The following WBP2 variants were observed in gnomAD, a reference collection of about 807,000 sequenced individuals.
WBP2 encodes the protein WW domain binding protein 2, also known as WW domain-binding protein 2.
Under a neutral mutation model 33.0 loss-of-function variants are expected in WBP2, and 23 were observed. The ratio of observed to expected loss-of-function variants is 0.70; its 90% CI spans 0.50 to 0.99. WBP2 has a LOEUF of 0.99. WBP2 is among the 50% of genes least tolerant of loss of function. WBP2 has a pLI of 0.00. For missense variants in WBP2, 353 were observed against 358.0 expected, an observed-to-expected ratio of 0.99 and a Z score of 0.11; for synonymous variants, 153 against 133.5, an observed-to-expected ratio of 1.15 and a Z score of -1.01.
intron 1 of WBP2, chr17:75,852,947 G>GT (rs1402879016): frequency 4.9e-6 from 1 of 204,304 alleles, no homozygotes; most frequent in African/African-American, 2.4e-5. Context: ...AGATGATCAC[G>GT]TATGTCATAT....
Position 75,847,945 on chromosome 17 carries a change from G to A in WBP2, c.398-15C>T, listed in dbSNP as rs1239402540. ...ACCTCTGGAGGCTACGAGTACAAGG[G>A]GAAAGAGAAATGAGCGTGGCCTGCC... On this transcript the variant is annotated splice_polypyrimidine_tract_variant and intron_variant, in intron 4 of 7. Transcript: ENST00000254806. 16 of 1,562,202 alleles carry A rather than the reference G, an allele frequency of 1.0e-5. No homozygotes were observed. The highest frequency in any genetic ancestry group is 1.4e-5 in the Non-Finnish European group (16 of 1,153,332).
chr17:75,851,899 T>C (rs2065030289), intron 1 of WBP2: 2 of 348,914 alleles, frequency 5.7e-6, no homozygotes, highest in African/African-American at 2.1e-5. Flanking sequence ...GTCAGGAGTT[T>C]GAGACCAGCC....
chr17:75,847,461 G>T (rs1201746287), intron 6 of WBP2, 26 bp downstream of exon 6: 1 of 1,583,252 alleles, frequency 6.3e-7, no homozygotes, highest in Non-Finnish European at 8.6e-7. Context: ...GGTCCCGAAG[G>T]GCTGCCAGCA....
At chr17:75,851,367 G>A (rs112651153) in intron 2 of WBP2, 18 of 498,070 alleles carry the variant, frequency 3.6e-5, no homozygotes, top group African/African-American at 2.5e-4. Flanking sequence ...ACTGCCCAGT[G>A]GTCAGGTCAG....
upstream of WBP2, among the ~76,000 whole-genome samples, chr17:75,855,951 G>C (rs1029685179): frequency 6.6e-6 from 1 of 152,236 alleles, no homozygotes; most frequent in Non-Finnish European, 1.5e-5. Flanking sequence ...GAGCCCGGGG[G>C]GCGGGGAGAG....
At chr17:75,854,516 C>T (rs949232985) in intron 1 of WBP2, among the ~76,000 whole-genome samples, 1 of 152,110 alleles carries the variant, frequency 6.6e-6, no homozygotes, top group African/African-American at 2.4e-5. Context: ...TCCGAGGTGA[C>T]CCAAACCAAC....
At chr17:75,848,394 G>C (rs936284672) in intron 4 of WBP2, 176 bp downstream of exon 4, 5 of 651,578 alleles carry the variant, frequency 7.7e-6, no homozygotes, top group South Asian at 3.6e-5. Context: ...CTGAGGTACA[G>C]GACAGAGCTG....
At position 75,847,910 on chromosome 17, in the gene WBP2, T is replaced by C; in HGVS notation, c.418A>G (p.Ser140Gly). ...ATGTAAGAGTAGCCATAGGCTCCAC[T>C]GGGGACTTCACCTCTGGAGGCTACG... ...ASQASRGEVP[S>G]GAYGYSYMPS... is the part of the protein sequence containing the mutation. The change falls in exon 5 of 8, where the codon AGT becomes GGT. Residue 140 changes from serine (S) to glycine (G), a missense_variant. Physicochemically the swap from Ser to Gly is moderately conservative, Grantham distance 56 (BLOSUM62 0). Coordinates refer to ENST00000254806, the MANE Select transcript of WBP2 (RefSeq NM_012478.4). 6.4e-7 allele frequency: 1 copy of C among 1,563,202 alleles called. No individual in the cohort carries two copies. The highest frequency in any genetic ancestry group is 1.2e-5 in the South Asian group (1 of 85,062).
intron 1 of WBP2, 200 bp from the exon 2 acceptor site, chr17:75,851,876 C>G: frequency 2.5e-6 from 1 of 394,402 alleles, no homozygotes; most frequent in Non-Finnish European, 5.0e-6. Context: ...CCGAGGCGAG[C>G]GGATGACCCC....
chr17:75,855,192 C>G (rs777281586), intron 1 of WBP2, 47 bp downstream of exon 1: 1 of 1,454,654 alleles, frequency 6.9e-7, no homozygotes, highest in Admixed American at 1.8e-5. Flanking sequence ...CCCACTTCCT[C>G]GACACCCGAA....
chr17:75,849,069 AG>A, intron 3 of WBP2: 1 of 272,496 alleles, frequency 3.7e-6, no homozygotes, highest in Non-Finnish European at 7.2e-6. Context: ...TCTCGTCCTA[AG>A]GGGGCCCAAG....
In WBP2 at chr17:75,848,612, C is replaced by T. The variant is rs992635650; in HGVS notation, c.355G>A (p.Ala119Thr). The T allele has an allele frequency of 8.7e-6, 14 of 1,614,002 alleles. No individual in the cohort carries two copies. The highest frequency in any genetic ancestry group is 1.2e-5 in the Non-Finnish European group (14 of 1,179,924). ...AGCATCCGCTGTCCGAACTCAATGG[C>T]GCCCCCTGCCGTGAAAGTCAACTTG... The part of the protein sequence containing the change: ...SYKLTFTAGG[A>T]IEFGQRMLQV... Residue 119 changes from alanine (A) to threonine (T), a missense_variant, in exon 4 of 8, where the codon GCC becomes ACC. Ala to Thr is a moderately conservative substitution (Grantham distance 58, BLOSUM62 0). Coordinates refer to ENST00000254806, the MANE Select transcript of WBP2 (RefSeq NM_012478.4).
At chr17:75,847,330 TCCA>T in intron 6 of WBP2, 154 bp downstream of exon 6, 4 of 1,238,170 alleles carry the variant, frequency 3.2e-6, no homozygotes, top group Non-Finnish European at 4.5e-6. Context: ...CTAGCTCCGC[TCCA>T]CCAGGCCACA....
chr17:75,848,622 C>G lies in WBP2; in HGVS notation c.345G>C (p.Thr115=). ...EGSASYKLTF[T]AGGAIEFGQR... ...GTCCGAACTCAATGGCGCCCCCTGC[C>G]GTGAAAGTCAACTTGTAGGAAGCAG... Residue 115 remains threonine, a synonymous_variant, in exon 4 of 8, where the codon ACG becomes ACC. Transcript: ENST00000254806. 1 of 1,614,054 alleles carries G rather than the reference C, an allele frequency of 6.2e-7. No homozygotes were observed. The highest frequency in any genetic ancestry group is 8.5e-7 in the Non-Finnish European group (1 of 1,179,956).
intron 1 of WBP2, 85 bp from the exon 2 acceptor site, chr17:75,851,761 C>G (rs1445839873): frequency 3.1e-6 from 3 of 976,924 alleles, no homozygotes; most frequent in Non-Finnish European, 4.9e-6. Flanking sequence ...TCCCAAGCAG[C>G]TGCCCGGCAC....
intron 1 of WBP2, among the ~76,000 whole-genome samples, chr17:75,854,132 A>C (rs985023029): frequency 9.2e-5 from 14 of 151,800 alleles, no homozygotes; most frequent in African/African-American, 3.4e-4. Flanking sequence ...GGGCCCATGA[A>C]ACTCTGAGCG....
chr17:75,855,521 G>C, upstream of WBP2: 2 of 579,144 alleles, frequency 3.5e-6, no homozygotes, highest in Non-Finnish European at 6.2e-6. Flanking sequence ...AGCAGGCAAC[G>C]CCCCCGCAGC....
intron 1 of WBP2, chr17:75,851,980 T>G (rs2065030746): frequency 4.4e-6 from 1 of 229,708 alleles, no homozygotes; most frequent in African/African-American, 2.2e-5. Context: ...GGCGGGCACC[T>G]GTAATCCCAG....
rs1599427408 is a variant in WBP2 at position 75,855,240 on chromosome 17, T to C, written c.58A>G (p.Ser20Gly). Residue 20 changes from serine to glycine, a missense_variant and splice_region_variant, in exon 1 of 8, where the codon AGC becomes GGC. Physicochemically the swap from Ser to Gly is moderately conservative, Grantham distance 56 (BLOSUM62 0). Transcript: ENST00000254806. ...GGGVIVNNTE[S>G]ILMSYDHVEL... ...AGGATCCTTCCGCAGTGTTTTCACC[T>C]CTCGGTGTTATTGACGATCACTCCG... The C allele has an allele frequency of 6.7e-7, 1 of 1,499,628 alleles. No homozygotes were observed. Among genetic ancestry groups the C allele is most frequent in the East Asian group, 2.7e-5 (1 of 37,054 alleles). The allele number at this position is 1,499,628 out of a possible 1,614,324, so 92.9% of individuals were successfully genotyped here.
Sources: allele counts gnomAD v4.1 joint callset (sites outside exome capture counted in the v4.1 genomes callset), GRCh38; gene constraint gnomAD v4.1.1; transcripts MANE v1.5; gene names NCBI Gene and HGNC (gene_info 2026-07-23, HGNC 2026-07-21).